The following SIVA1 variants were observed in gnomAD, a reference collection of about 807,000 sequenced individuals.
The protein encoded by SIVA1 is SIVA1 apoptosis inducing factor.
Under a neutral mutation model 19.7 loss-of-function variants are expected in SIVA1, and 10 were observed. That is an observed-to-expected ratio of 0.51 (90% confidence interval 0.31 to 0.86). The LOEUF (loss-of-function observed/expected upper bound fraction) is 0.86. Ranked by LOEUF, SIVA1 falls within the 40% of genes least tolerant of loss-of-function variation. SIVA1 has a pLI of 0.04. For synonymous variants in SIVA1, 130 were observed against 106.1 expected, an observed-to-expected ratio of 1.23 and a Z score of -1.39; for missense variants, 241 against 245.2, an observed-to-expected ratio of 0.98 and a Z score of 0.11.
rs1188884200 is a variant in SIVA1 at position 104,753,316 on chromosome 14, T to G, written c.115T>G (p.Phe39Val). The G allele has an allele frequency of 3.1e-6, 5 of 1,592,898 alleles. No individual in the cohort carries two copies. The highest frequency in any genetic ancestry group is 1.4e-5 in the African/African-American group (1 of 72,734). The change falls in exon 1 of 4, where the codon TTC becomes GTC. Residue 39 changes from phenylalanine (F) to valine (V), a missense_variant. Transcript: ENST00000329967. ...CGCCGAGCGCTACTCGCAGGAGGTC[T>G]TCGGTGAGTGTCGGGCGGGCTGCCG... ...VCAERYSQEV[F>V]EKTKRLLFLG...
At position 104,753,211 on chromosome 14, in the gene SIVA1, C is replaced by G; in HGVS notation, c.10C>G (p.Arg4Gly). ...TCCCGGCCCCGCGGCCATGCCCAAGCGGAGCTGCCCCTTCGCGGACGTGGC... is the reference window on the plus strand; with the variant it reads ...TCCCGGCCCCGCGGCCATGCCCAAGGGGAGCTGCCCCTTCGCGGACGTGGC... MPK[R>G]SCPFADVAPL... Residue 4 changes from arginine (R) to glycine (G), a missense_variant, in exon 1 of 4, where the codon CGG becomes GGG. Coordinates refer to ENST00000329967, the MANE Select transcript of SIVA1 (RefSeq NM_006427.4). 1 of 1,572,546 alleles carries G rather than the reference C, an allele frequency of 6.4e-7. No homozygotes were observed. Among genetic ancestry groups the G allele is most frequent in the Non-Finnish European group, 8.6e-7 (1 of 1,162,130 alleles).
At chr14:104,757,551 G>A (rs564918599) in intron 3 of SIVA1, 28 of 165,448 alleles carry the variant, frequency 1.7e-4, no homozygotes, top group Non-Finnish European at 2.8e-4. Flanking sequence ...GAAGCGCCGC[G>A]TGCCAGTGAT....
At position 104,753,221 on chromosome 14, in the gene SIVA1, C is replaced by T. The variant is rs910401432; in HGVS notation, c.20C>T (p.Pro7Leu). The T allele has an allele frequency of 3.2e-6, 5 of 1,580,420 alleles. No homozygotes were observed. Among genetic ancestry groups the T allele is most frequent in the South Asian group, 1.1e-5 (1 of 87,166 alleles). MPKRSC[P>L]FADVAPLQLK... Reference sequence around the variant, plus strand: ...GCGGCCATGCCCAAGCGGAGCTGCCCCTTCGCGGACGTGGCCCCGCTACAG... The same window carrying T: ...GCGGCCATGCCCAAGCGGAGCTGCCTCTTCGCGGACGTGGCCCCGCTACAG... The change falls in exon 1 of 4, where the codon CCC becomes CTC. Residue 7 changes from proline to leucine, a missense_variant. Physicochemically the swap from Pro to Leu is moderately conservative, Grantham distance 98. Transcript: ENST00000329967.
rs1891997748 is a variant in SIVA1, at chr14:104,759,045, GAA to G, written c.471-382_471-381del. 6.0e-6 allele frequency: 1 copy of G among 167,214 alleles called. No individual in the cohort carries two copies. The highest frequency in any genetic ancestry group is 1.3e-5 in the Non-Finnish European group (1 of 77,956). 10.4% of individuals were successfully genotyped at this position (167,214 alleles called of 1,614,324 possible). ...TACTGCCACGTGGCTTTGGAGACCA[GAA>G]GTCTGAGAGGAAGGTGCTGGCAGGG... is the stretch of plus-strand genomic sequence containing the variant. On this transcript the variant is annotated intron_variant, in intron 3 of 3. Transcript: ENST00000329967. This position sits in a 1 kb window ranked among gnomAD's most constrained non-coding sequence, Gnocchi z 4.2.
In SIVA1 at chr14:104,753,206, C is replaced by G; in HGVS notation, c.5C>G (p.Pro2Arg). The G allele has an allele frequency of 6.4e-7, 1 of 1,571,392 alleles. No homozygotes were observed. Among genetic ancestry groups the G allele is most frequent in the Non-Finnish European group, 8.6e-7 (1 of 1,161,498 alleles). Residue 2 changes from proline (P) to arginine (R), a missense_variant, in exon 1 of 4, where the codon CCC becomes CGC. Coordinates refer to ENST00000329967, the MANE Select transcript of SIVA1 (RefSeq NM_006427.4). ...GTAGCTCCCGGCCCCGCGGCCATGC[C>G]CAAGCGGAGCTGCCCCTTCGCGGAC... is the stretch of plus-strand genomic sequence containing the variant. Reference protein sequence around the residue: MPKRSCPFADVA... With the variant: MRKRSCPFADVA...
chr14:104,755,841 GC>G lies in SIVA1; in HGVS notation c.313+20del. On this transcript the variant is annotated intron_variant, in intron 2 of 3. Coordinates refer to ENST00000329967, the MANE Select transcript of SIVA1 (RefSeq NM_006427.4). Reference sequence around the variant, plus strand: ...CCGAAGCTGGTGAGTGGCACCAGCAGCCCTTTGTGGCTGTGGCACTGAGGGC... The same window carrying G: ...CCGAAGCTGGTGAGTGGCACCAGCAGCCTTTGTGGCTGTGGCACTGAGGGC... The G allele has an allele frequency of 6.2e-7, 1 of 1,609,696 alleles. No homozygotes were observed. The highest frequency in any genetic ancestry group is 1.3e-5 in the African/African-American group (1 of 74,974).
rs71421881 is a variant in SIVA1 at position 104,753,184 on chromosome 14, G to A, written c.-18G>A. 6.6e-7 allele frequency: 1 copy of A among 1,515,838 alleles called. No homozygotes were observed. The highest frequency in any genetic ancestry group is 1.9e-5 in the Admixed American group (1 of 53,302). The allele number at this position is 1,515,838 out of a possible 1,614,324, so 93.9% of individuals were successfully genotyped here. A position where few individuals can be genotyped will look rare whatever the true frequency, so the allele number is the denominator to read the frequency against. The stretch of plus-strand genomic sequence containing the variant: ...GGGCTGGCGGCCGGGGAGCTGCGTA[G>A]CTCCCGGCCCCGCGGCCATGCCCAA... On this transcript the variant is annotated 5_prime_UTR_variant, in exon 1 of 4. Coordinates refer to ENST00000329967, the MANE Select transcript of SIVA1 (RefSeq NM_006427.4).
rs145883859 is a variant in SIVA1 at position 104,753,719 on chromosome 14, C to G, written c.118+400C>G. The G allele has an allele frequency of 6.8e-6, 3 of 438,132 alleles. No individual in the cohort carries two copies. In the Admixed American group the frequency reaches 7.4e-5, roughly 11 times the overall value. The allele number at this position is 438,132 out of a possible 1,614,324, so 27.1% of individuals were successfully genotyped here. ...TGCATGGAGTCAACCCGAAGAGTGC[C>G]CCTCCTGTCCCAAGAGGTATTCATG... On this transcript the variant is annotated intron_variant, in intron 1 of 3. Transcript: ENST00000329967.
At chr14:104,757,446 C>T (rs1489194811) in intron 3 of SIVA1, 1 of 251,220 alleles carries the variant, frequency 4.0e-6, no homozygotes, top group African/African-American at 2.3e-5. Flanking sequence ...CATGTTACAT[C>T]TCGAGTCCTT....
In SIVA1 at chr14:104,755,761, G is replaced by T; in HGVS notation, c.250G>T (p.Gly84Trp). ...TACAGGGGCCCCGAGGGCTGCACGT[G>T]GGCAGATGCTGATTGGACCAGACGG... ...GPTGAPRAAR[G>W]QMLIGPDGRL... is the part of the protein sequence containing the mutation. Residue 84 changes from glycine to tryptophan, a missense_variant, in exon 2 of 4, where the codon GGG (glycine) becomes TGG (tryptophan). Coordinates refer to ENST00000329967, the MANE Select transcript of SIVA1 (RefSeq NM_006427.4). 6.2e-7 allele frequency: 1 copy of T among 1,614,134 alleles called. No homozygotes were observed.
rs772185197 is a variant in SIVA1 at position 104,753,195 on chromosome 14, C to G, written c.-7C>G. Reference sequence around the variant, plus strand: ...CGGGGAGCTGCGTAGCTCCCGGCCCCGCGGCCATGCCCAAGCGGAGCTGCC... The same window carrying G: ...CGGGGAGCTGCGTAGCTCCCGGCCCGGCGGCCATGCCCAAGCGGAGCTGCC... On this transcript the variant is annotated 5_prime_UTR_variant, in exon 1 of 4. Transcript: ENST00000329967. 1 of 1,556,958 alleles carries G rather than the reference C, an allele frequency of 6.4e-7. No homozygotes were observed.
chr14:104,753,485 G>A (rs1891776821), intron 1 of SIVA1, among the ~76,000 whole-genome samples, 166 bp downstream of exon 1: 1 of 152,182 alleles, frequency 6.6e-6, no homozygotes, highest in Admixed American at 6.5e-5. Flanking sequence ...CCACGCCCAG[G>A]GCTGGGGTCA....
In SIVA1 at chr14:104,753,305, C is replaced by G; in HGVS notation, c.104C>G (p.Ser35Trp). ...CGCGGCGTGTGCGCCGAGCGCTACTCGCAGGAGGTCTTCGGTGAGTGTCGG... is the reference window on the plus strand; with the variant it reads ...CGCGGCGTGTGCGCCGAGCGCTACTGGCAGGAGGTCTTCGGTGAGTGTCGG... Reference protein sequence around the residue: ...LSRGVCAERYSQEVFEKTKRL... With the variant: ...LSRGVCAERYWQEVFEKTKRL... The change falls in exon 1 of 4, where the codon TCG becomes TGG. Residue 35 changes from serine to tryptophan, a missense_variant. Coordinates refer to ENST00000329967, the MANE Select transcript of SIVA1 (RefSeq NM_006427.4). 1 of 1,598,556 alleles carries G rather than the reference C, an allele frequency of 6.3e-7. No homozygotes were observed. Among genetic ancestry groups the G allele is most frequent in the Non-Finnish European group, 8.5e-7 (1 of 1,174,160 alleles).
At chr14:104,756,485 G>C in intron 2 of SIVA1, 119 bp from the exon 3 acceptor site, 2 of 1,117,082 alleles carry the variant, frequency 1.8e-6, no homozygotes, top group Non-Finnish European at 2.7e-6. Context: ...GTGTAGGTGG[G>C]GATGGGGTAG....
At position 104,755,534 on chromosome 14, in the gene SIVA1, C is replaced by T. The variant is rs143289816; in HGVS notation, c.119-96C>T. On this transcript the variant is annotated intron_variant, in intron 1 of 3. Transcript: ENST00000329967. Reference sequence around the variant, plus strand: ...GGGAGACAGAGGGCACACAGGAGGACGATGGGGTTCATGTGAGGCTAGAAA... The same window carrying T: ...GGGAGACAGAGGGCACACAGGAGGATGATGGGGTTCATGTGAGGCTAGAAA... The T allele has an allele frequency of 1.7e-4, 189 of 1,129,112 alleles. No homozygotes were observed. In the African/African-American group the frequency reaches 2.6e-3, roughly 15 times the overall value. The allele number at this position is 1,129,112 out of a possible 1,614,324, so 69.9% of individuals were successfully genotyped here. A position where few individuals can be genotyped will look rare whatever the true frequency, so the allele number is the denominator to read the frequency against.
Position 104,756,642 on chromosome 14 carries a change from G to T in SIVA1, c.352G>T (p.Val118Leu), listed in dbSNP as rs770111721. The change falls in exon 3 of 4, where the codon GTG (valine) becomes TTG (leucine). Residue 118 changes from valine (V) to leucine (L), a missense_variant. Transcript: ENST00000329967. ...AGCGTCCATTGCCTGTTCCTCATGC[G>T]TGCGAGCCGTGGATGGGAAGGCGGT... Reference protein sequence around the residue: ...GVASIACSSCVRAVDGKAVCG... With the variant: ...GVASIACSSCLRAVDGKAVCG... 1 of 1,614,086 alleles carries T rather than the reference G, an allele frequency of 6.2e-7. No individual in the cohort carries two copies. Among genetic ancestry groups the T allele is most frequent in the Non-Finnish European group, 8.5e-7 (1 of 1,180,040 alleles).
At position 104,753,155 on chromosome 14, in the gene SIVA1, TA is replaced by T. The variant is rs1009148441; in HGVS notation, c.-45del. 3.9e-6 allele frequency: 5 copies of T among 1,279,718 alleles called. No individual in the cohort carries two copies. The African/African-American group carries it at 6.1e-5, about 16-fold the overall frequency. The allele number at this position is 1,279,718 out of a possible 1,614,324, so 79.3% of individuals were successfully genotyped here. A position where few individuals can be genotyped will look rare whatever the true frequency, so the allele number is the denominator to read the frequency against. On this transcript the variant is annotated 5_prime_UTR_variant, in exon 1 of 4. Coordinates refer to ENST00000329967, the MANE Select transcript of SIVA1 (RefSeq NM_006427.4). ...AGCTGTGACGTCACGGCGTCGTTGG[TA>T]AGGGGCTGGCGGCCGGGGAGCTGCG...
intron 1 of SIVA1, chr14:104,753,625 C>T (rs533838113): frequency 3.6e-5 from 17 of 466,454 alleles, no homozygotes; most frequent in Non-Finnish European, 6.4e-5. Flanking sequence ...GTGAGCGGCA[C>T]CCGCCTGGTG....
At chr14:104,754,127 C>G (rs918244836) in intron 1 of SIVA1, among the ~76,000 whole-genome samples, 2 of 152,158 alleles carry the variant, frequency 1.3e-5, no homozygotes, top group African/African-American at 4.8e-5. Flanking sequence ...CTGTGGATTT[C>G]AGGCGTGTTG....
Sources: gnomAD v4.1 joint callset for allele counts (sites outside exome capture counted in the v4.1 genomes callset) on GRCh38, gnomAD v4.1.1 for gene constraint, Gnocchi (gnomAD v3.1) non-coding constraint, MANE v1.5 for transcripts, NCBI Gene and HGNC (gene_info 2026-07-23, HGNC 2026-07-21) for gene names.